Variants in FNIP2 observed in about 807,000 individuals in gnomAD.
FNIP2 encodes folliculin interacting protein 2.
FNIP2 carries 32 observed loss-of-function variants against 108.7 expected under a neutral mutation model. The ratio of observed to expected loss-of-function variants is 0.29; its 90% confidence interval spans 0.22 to 0.40. The LOEUF (loss-of-function observed/expected upper bound fraction) is 0.40, where lower values mean the gene tolerates loss of function less well. Among genes scored for constraint, FNIP2 ranks in the 10% least tolerant of loss-of-function variants. FNIP2 has a pLI of 1.00. For synonymous variants in FNIP2, 480 were observed against 496.7 expected (o/e 0.97, Z 0.45); for missense variants, 1,202 against 1,381.6 (o/e 0.87, Z 2.06).
At chr4:158,870,197 G>T in intron 13 of FNIP2, 116 bp from the exon 14 acceptor site, 1 of 1,164,382 alleles carries the variant, frequency 8.6e-7, no homozygotes. Context: ...TTGGTGACAT[G>T]GACCACCCTG....
chr4:158,847,585 G>C (rs1413420971), intron 7 of FNIP2, among the ~76,000 whole-genome samples: 1 of 152,172 alleles, frequency 6.6e-6, no homozygotes, highest in African/African-American at 2.4e-5. Context: ...ACTCTGAGAC[G>C]TGACATGACC....
intron 14 of FNIP2, among the ~76,000 whole-genome samples, chr4:158,878,001 A>G (rs900167759): frequency 1.4e-5 from 2 of 146,692 alleles, no homozygotes; most frequent in Non-Finnish European, 3.0e-5. Flanking sequence ...GGAGGATTCC[A>G]GCAACATGTA....
At chr4:158,786,167 C>T (rs1776218294) in intron 1 of FNIP2, among the ~76,000 whole-genome samples, 1 of 152,202 alleles carries the variant, frequency 6.6e-6, no homozygotes, top group Non-Finnish European at 1.5e-5. Flanking sequence ...TGACCAGTCT[C>T]GTCCGGATTA....
chr4:158,896,997 C>G (rs1210371862), intron 16 of FNIP2, among the ~76,000 whole-genome samples: 1 of 151,704 alleles, frequency 6.6e-6, no homozygotes, highest in Non-Finnish European at 1.5e-5. Context: ...CCACCCCCAG[C>G]CCCCCACCCG....
intron 16 of FNIP2, among the ~76,000 whole-genome samples, chr4:158,901,454 C>T (rs1250442273): frequency 6.6e-6 from 1 of 151,988 alleles, no homozygotes; most frequent in East Asian, 1.9e-4. Context: ...GTGAATCTGA[C>T]CATTATGTGT....
chr4:158,803,271 G>A (rs1039193263), intron 1 of FNIP2, among the ~76,000 whole-genome samples: 5 of 152,316 alleles, frequency 3.3e-5, no homozygotes, highest in Middle Eastern at 3.4e-3. Flanking sequence ...CAAATAGGGT[G>A]GATGATAAAT....
At chr4:158,796,534 A>G (rs1315927064) in intron 1 of FNIP2, among the ~76,000 whole-genome samples, 2 of 152,154 alleles carry the variant, frequency 1.3e-5, no homozygotes, top group Admixed American at 1.3e-4. Context: ...CTTCTTGGGC[A>G]AAATCATTAT....
chr4:158,773,041 T>C (rs1775748572), intron 1 of FNIP2, among the ~76,000 whole-genome samples: 1 of 152,154 alleles, frequency 6.6e-6, no homozygotes, highest in Non-Finnish European at 1.5e-5. Context: ...CTCCCACTAA[T>C]AAGTCTCCAG....
chr4:158,774,657 T>C (rs1001894650), intron 1 of FNIP2, among the ~76,000 whole-genome samples: 6 of 152,218 alleles, frequency 3.9e-5, no homozygotes, highest in Non-Finnish European at 7.3e-5. Flanking sequence ...GAGATATGTA[T>C]GTGCAAAATG....
Position 158,826,647 on chromosome 4 carries a change from C to T in FNIP2, c.234+605C>T, listed in dbSNP as rs565444644. On this transcript the variant is annotated intron_variant, in intron 2 of 16. Coordinates refer to ENST00000264433, the MANE Select transcript of FNIP2 (RefSeq NM_020840.3). The stretch of plus-strand genomic sequence containing the variant: ...GGTGGTGGTGGTGGTGTAGGGTGGG[C>T]GACAAGCAATGGGTAGAGTGAGGAT... 5.3e-5 allele frequency among the ~76,000 whole-genome samples: 8 copies of T among 151,798 alleles called. No individual in the cohort carries two copies. The South Asian group carries it at 8.3e-4, about 16-fold the overall frequency.
intron 1 of FNIP2, among the ~76,000 whole-genome samples, chr4:158,803,614 T>C (rs879773425): frequency 6.6e-6 from 1 of 152,200 alleles, no homozygotes; most frequent in Admixed American, 6.5e-5. Flanking sequence ...CATATAATAG[T>C]TGTGGTTTTT....
rs753967125 is a variant in FNIP2 at position 158,870,468 on chromosome 4, A to C, written c.2948A>C (p.His983Pro). 6.2e-7 allele frequency: 1 copy of C among 1,607,294 alleles called. No homozygotes were observed. The highest frequency in any genetic ancestry group is 2.2e-5 in the East Asian group (1 of 44,730). The change falls in exon 14 of 17, where the codon CAT becomes CCT. Residue 983 changes from histidine (H) to proline (P), a missense_variant and splice_region_variant. His to Pro is a moderately conservative substitution (Grantham distance 77, BLOSUM62 -2). Transcript: ENST00000264433. ...CLVADLVHTV[H>P]HPVLDEPIAE... is the part of the protein sequence containing the mutation. The stretch of plus-strand genomic sequence containing the variant: ...GTGGCCGACCTTGTCCACACAGTCC[A>C]TGTAAGTGATCCCAGTGTGGAGCCT...
At chr4:158,825,839 A>T (rs1312410361) in intron 1 of FNIP2, 77 bp from the exon 2 acceptor site, 20 of 1,530,276 alleles carry the variant, frequency 1.3e-5, no homozygotes, top group Admixed American at 3.5e-5. Context: ...AGGCATGGTG[A>T]CTGGGAAGCT....
chr4:158,850,702 A>C (rs997496983), intron 7 of FNIP2, among the ~76,000 whole-genome samples: 2 of 147,934 alleles, frequency 1.4e-5, no homozygotes, highest in African/African-American at 5.0e-5. Flanking sequence ...CTAGATGGGG[A>C]AAAAACTTAT....
rs377684180 is a variant in FNIP2 at position 158,869,275 on chromosome 4, A to G, written c.2639A>G (p.Asn880Ser). 4 of 1,613,904 alleles carry G rather than the reference A, an allele frequency of 2.5e-6. No homozygotes were observed. The highest frequency in any genetic ancestry group is 1.6e-4 in the Middle Eastern group (1 of 6,084). ...IPCGDDNKKANFRTEGDIPRN... is the reference protein window; with the variant it reads ...IPCGDDNKKASFRTEGDIPRN... Reference sequence around the variant, plus strand: ...TGTGGGGATGACAACAAGAAGGCCAACTTCAGGACTGAAGGAGACATTCCC... The same window carrying G: ...TGTGGGGATGACAACAAGAAGGCCAGCTTCAGGACTGAAGGAGACATTCCC... The change falls in exon 13 of 17, where the codon AAC (asparagine) becomes AGC (serine). Residue 880 changes from asparagine to serine, a missense_variant. Physicochemically the swap from Asn to Ser is conservative, Grantham distance 46. Around this residue, in one of 5 missense-constraint regions of FNIP2, gnomAD observed 878 missense variants for 990.3 expected, o/e 0.89. Transcript: ENST00000264433.
chr4:158,783,566 A>T (rs1296366823), intron 1 of FNIP2, among the ~76,000 whole-genome samples: 1 of 152,222 alleles, frequency 6.6e-6, no homozygotes, highest in African/African-American at 2.4e-5. Context: ...GTGGATCTAG[A>T]CCAACTCTGC....
chr4:158,849,835 C>T (rs765893120), intron 7 of FNIP2, among the ~76,000 whole-genome samples: 1 of 151,106 alleles, frequency 6.6e-6, no homozygotes, highest in Middle Eastern at 3.5e-3. Flanking sequence ...GTTCAGGAAG[C>T]ATTTGCTAAT....
chr4:158,773,717 C>T (rs7675769), intron 1 of FNIP2, among the ~76,000 whole-genome samples: 7,132 of 152,122 alleles, frequency 0.047, 426 homozygotes, highest in African/African-American at 0.15. Context: ...GAACTGTTTT[C>T]ACTTGCATAT....
chr4:158,882,805 C>G (rs1362588417), intron 14 of FNIP2, among the ~76,000 whole-genome samples: 3 of 152,076 alleles, frequency 2.0e-5, no homozygotes, highest in Non-Finnish European at 4.4e-5. Flanking sequence ...GCAGCATGCT[C>G]CTTAAGAGTC....
Sources: gnomAD v4.1 joint callset for allele counts (sites outside exome capture counted in the v4.1 genomes callset) on GRCh38, gnomAD v4.1.1 for gene constraint, gnomAD v4.1.1 regional missense constraint, MANE v1.5 for transcripts, NCBI Gene and HGNC (gene_info 2026-07-23, HGNC 2026-07-21) for gene names.